The following RTN4 variants were observed in gnomAD, a reference collection of about 807,000 sequenced individuals.
RTN4 encodes the protein reticulon-4.
Under a neutral mutation model 90.4 loss-of-function variants are expected in RTN4, and 32 were observed. The ratio of observed to expected loss-of-function variants is 0.35; its 90% CI spans 0.27 to 0.48. The LOEUF (loss-of-function observed/expected upper bound fraction) is 0.48. Among genes scored for constraint, RTN4 ranks in the 20% least tolerant of loss-of-function variants. RTN4 has a pLI of 0.99. For missense variants in RTN4, 1,706 were observed against 1,430.2 expected (o/e 1.19, Z -3.11); for synonymous variants, 629 against 552.5 (o/e 1.14, Z -1.94).
intron 3 of RTN4, among the ~76,000 whole-genome samples, chr2:54,990,101 T>A (rs186879148): frequency 9.2e-5 from 14 of 152,310 alleles, no homozygotes; most frequent in Non-Finnish European, 1.9e-4. Context: ...CTCAGGAAAG[T>A]CACTAAAGTC....
intron 2 of RTN4, among the ~76,000 whole-genome samples, chr2:55,078,726 C>T (rs752379892): frequency 1.3e-5 from 2 of 152,254 alleles, no homozygotes; most frequent in East Asian, 1.9e-4. Context: ...AAATGTGTTA[C>T]GTGCTTTAAA....
chr2:55,040,204 A>C (rs1416272075), intron 1 of RTN4, among the ~76,000 whole-genome samples: 1 of 152,210 alleles, frequency 6.6e-6, no homozygotes, highest in Non-Finnish European at 1.5e-5. Flanking sequence ...GTTTTTATCA[A>C]GTTATTTTAT....
chr2:55,028,212 G>A lies in RTN4; in HGVS notation c.565C>T (p.Leu189Phe), dbSNP rs1204457921. Residue 189 changes from leucine (L) to phenylalanine (F), a missense_variant, in exon 2 of 9, where the codon CTT becomes TTT. By Grantham distance (22) the Leu-to-Phe change is conservative. Coordinates refer to ENST00000337526, the MANE Select transcript of RTN4 (RefSeq NM_020532.5). ...RGSSGSVDET[L>F]FALPAASEPV... Reference sequence around the variant, plus strand: ...TCAGATGCAGCAGGAAGAGCAAAAAGGGTCTCATCTGAAAAACAAATAGAA... The same window carrying A: ...TCAGATGCAGCAGGAAGAGCAAAAAAGGTCTCATCTGAAAAACAAATAGAA... The A allele has an allele frequency of 2.5e-6, 4 of 1,612,672 alleles. No homozygotes were observed. Among genetic ancestry groups the A allele is most frequent in the Non-Finnish European group, 3.4e-6 (4 of 1,179,262 alleles).
chr2:55,111,301 T>A (rs1003156590), intron 1 of RTN4, among the ~76,000 whole-genome samples: 2 of 151,958 alleles, frequency 1.3e-5, no homozygotes, highest in Non-Finnish European at 2.9e-5. Context: ...AGCACAGAGA[T>A]AACAAAGAAA....
chr2:55,030,578 A>G (rs1682230067), intron 1 of RTN4, among the ~76,000 whole-genome samples: 1 of 152,198 alleles, frequency 6.6e-6, no homozygotes, highest in Non-Finnish European at 1.5e-5. Context: ...CTTGTAAAAT[A>G]AGGATAATAA....
intron 3 of RTN4, among the ~76,000 whole-genome samples, chr2:55,000,189 C>A (rs1213568233): frequency 1.3e-5 from 2 of 152,120 alleles, no homozygotes; most frequent in East Asian, 3.9e-4. Flanking sequence ...AAGGTGAATT[C>A]AACTTTCTCT....
intron 4 of RTN4, among the ~76,000 whole-genome samples, chr2:54,983,514 T>A (rs1416883502): frequency 6.6e-6 from 1 of 152,146 alleles, no homozygotes. Context: ...CCTCCCTATG[T>A]CTCAGGATGC....
chr2:55,137,667 C>G, the RTN4 span, among the ~76,000 whole-genome samples: 1 of 152,158 alleles, frequency 6.6e-6, no homozygotes, highest in East Asian at 1.9e-4. Context: ...ACTGCTGGCA[C>G]AGAGAGAGTT....
At chr2:55,136,107 T>C in the RTN4 span, among the ~76,000 whole-genome samples, 1 of 152,078 alleles carries the variant, frequency 6.6e-6, no homozygotes, top group South Asian at 2.1e-4. Flanking sequence ...TCCCAATAGA[T>C]AGAAAACACC....
chr2:55,085,511 CT>C, intron 1 of RTN4, among the ~76,000 whole-genome samples: 1 of 152,254 alleles, frequency 6.6e-6, no homozygotes, highest in Middle Eastern at 3.4e-3. Context: ...TCTTAAGACC[CT>C]CAACTGATTG....
intron 6 of RTN4, among the ~76,000 whole-genome samples, 191 bp downstream of exon 6, chr2:54,974,504 C>A (rs959882985): frequency 6.6e-6 from 1 of 152,220 alleles, no homozygotes; most frequent in Non-Finnish European, 1.5e-5. Context: ...TGGTCTCGAA[C>A]TCCTGGCCCC....
chr2:55,067,461 G>A (rs1343887194), intron 2 of RTN4, among the ~76,000 whole-genome samples: 3 of 150,230 alleles, frequency 2.0e-5, no homozygotes, highest in Non-Finnish European at 4.4e-5. Context: ...TACCCAGACT[G>A]GAGTGCAGTT....
At chr2:55,078,962 AT>A (rs1668654052) in intron 2 of RTN4, among the ~76,000 whole-genome samples, 1 of 152,222 alleles carries the variant, frequency 6.6e-6, no homozygotes, top group Non-Finnish European at 1.5e-5. Context: ...GAAATGGAAA[AT>A]AGAGTAAGAC....
intron 1 of RTN4, among the ~76,000 whole-genome samples, chr2:55,103,896 T>C (rs1667897565): frequency 6.6e-6 from 1 of 152,054 alleles, no homozygotes; most frequent in African/African-American, 2.4e-5. Context: ...GGTTTCACCA[T>C]GTTGGCCAGG....
At chr2:54,985,953 A>C (rs746933264) in intron 4 of RTN4, among the ~76,000 whole-genome samples, 32 of 152,252 alleles carry the variant, frequency 2.1e-4, no homozygotes, top group Non-Finnish European at 1.5e-5. Flanking sequence ...AAAACAATTA[A>C]CATTTCAAAG....
intron 2 of RTN4, among the ~76,000 whole-genome samples, chr2:55,060,337 A>G (rs553511789): frequency 8.5e-5 from 13 of 152,160 alleles, no homozygotes; most frequent in Non-Finnish European, 1.6e-4. Context: ...TTGCAGTTCC[A>G]TAGTTTTTCA....
chr2:55,018,083 C>G (rs749331458), intron 3 of RTN4, among the ~76,000 whole-genome samples: 1 of 152,166 alleles, frequency 6.6e-6, no homozygotes, highest in Non-Finnish European at 1.5e-5. Context: ...GTGCTTATTA[C>G]ATAATTTACC....
At chr2:54,983,594 C>T (rs1573292326) in intron 4 of RTN4, among the ~76,000 whole-genome samples, 2 of 152,260 alleles carry the variant, frequency 1.3e-5, no homozygotes, top group East Asian at 3.9e-4. Flanking sequence ...GCAACATGCC[C>T]CAAATATGTC....
At chr2:55,106,750 C>T (rs749319584) in intron 1 of RTN4, among the ~76,000 whole-genome samples, 13 of 152,020 alleles carry the variant, frequency 8.6e-5, no homozygotes, top group Non-Finnish European at 1.9e-4. Context: ...GAACACCTGA[C>T]CCCAGGTGAT....
Sources: allele counts gnomAD v4.1 joint callset (sites outside exome capture counted in the v4.1 genomes callset), GRCh38; gene constraint gnomAD v4.1.1; transcripts MANE v1.5; gene names NCBI Gene and HGNC (gene_info 2026-07-23, HGNC 2026-07-21).